CD101: variants seen among roughly 807,000 people sequenced by gnomAD.
CD101 encodes the protein immunoglobulin superfamily member 2.
In CD101, 76 loss-of-function variants were observed where a neutral mutation model predicts 98.2. The observed-to-expected ratio is 0.77, with a 90% CI of 0.64 to 0.94. The LOEUF (loss-of-function observed/expected upper bound fraction) is 0.94, where lower values mean the gene tolerates loss of function less well. Ranked by LOEUF, CD101 falls within the 40% of genes least tolerant of loss-of-function variation. The pLI is 0.00. For missense variants in CD101, 1,145 were observed against 1,218.8 expected, an observed-to-expected ratio of 0.94 and a Z score of 0.90; for synonymous variants, 471 against 472.7, an observed-to-expected ratio of 1.00 and a Z score of 0.05.
chr1:117,024,487 TA>T (rs1220224815), intron 7 of CD101, among the ~76,000 whole-genome samples: 73 of 100,000 alleles, frequency 7.3e-4, no homozygotes, highest in African/African-American at 2.9e-3. Context: ...AAAAAATAAA[TA>T]AAATAAAAAT....
In CD101 at chr1:117,019,650, T is replaced by A. The variant is rs2101134331; in HGVS notation, c.2017+1090T>A. On this transcript the variant is annotated intron_variant, in intron 6 of 9. Transcript: ENST00000682167. This position sits in a 1 kb window ranked among gnomAD's most constrained non-coding sequence, Gnocchi z 4.3. The stretch of plus-strand genomic sequence containing the variant: ...CAGTGGACTCGTCCCTACCCATGGA[T>A]ACAAGCTGTATGTTCACAACTCCCA... 6.6e-6 allele frequency among the ~76,000 whole-genome samples: 1 copy of A among 152,340 alleles called. No homozygotes were observed. The highest frequency in any genetic ancestry group is 1.9e-4 in the East Asian group (1 of 5,186).
Position 117,010,378 on chromosome 1 carries a change from GT to G in CD101, c.424+149del. On this transcript the variant is annotated intron_variant, in intron 2 of 9. Coordinates refer to ENST00000682167, the MANE Select transcript of CD101 (RefSeq NM_001256106.3). The surrounding 1 kb of genome is among the most constrained non-coding windows in gnomAD (Gnocchi z 5.2). ...ACCCCTGTGGATATTTTGGAGATAT[GT>G]CACAAGTGGGTATCTCATATTCTCT... 1 of 748,962 alleles carries G rather than the reference GT, an allele frequency of 1.3e-6. No homozygotes were observed. Among genetic ancestry groups the G allele is most frequent in the East Asian group, 2.6e-5 (1 of 38,180 alleles). 46.4% of individuals were successfully genotyped at this position (748,962 alleles called of 1,614,324 possible). A position where few individuals can be genotyped will look rare whatever the true frequency, so the allele number is the denominator to read the frequency against.
At position 117,036,112 on chromosome 1, in the gene CD101, G is replaced by T; in HGVS notation, c.*34-56G>T. The T allele has an allele frequency of 6.6e-6, 1 of 152,322 alleles. No individual in the cohort carries two copies. The allele number at this position is 152,322 out of a possible 1,614,324, so 9.4% of individuals were successfully genotyped here. On this transcript the variant is annotated intron_variant, in intron 9 of 9. Transcript: ENST00000682167. This position sits in a 1 kb window ranked among gnomAD's most constrained non-coding sequence, Gnocchi z 5.0. ...CAGAGGAGATGTAAGCAGACAGGGA[G>T]GGTCTCCTGGGAAAGCAGACATTTA... is the stretch of plus-strand genomic sequence containing the variant.
At position 117,005,889 on chromosome 1, in the gene CD101, C is replaced by T. The variant is rs899739408; in HGVS notation, c.44-3961C>T. On this transcript the variant is annotated intron_variant, in intron 1 of 9. Transcript: ENST00000682167. This position sits in a 1 kb window ranked among gnomAD's most constrained non-coding sequence, Gnocchi z 4.4. The stretch of plus-strand genomic sequence containing the variant: ...ATATCACAGGGTTTTTGAAAGGATT[C>T]GATTACAAATATTTTCAAAGGGTTA... Among the ~76,000 whole-genome samples the T allele has an allele frequency of 6.6e-5, 10 of 151,282 alleles. No individual in the cohort carries two copies. The highest frequency in any genetic ancestry group is 1.5e-4 in the African/African-American group (6 of 41,074).
rs1653050225 is a variant in CD101, at chr1:117,013,929, G to A, written c.1228+137G>A. On this transcript the variant is annotated intron_variant, in intron 4 of 9. Coordinates refer to ENST00000682167, the MANE Select transcript of CD101 (RefSeq NM_001256106.3). Reference sequence around the variant, plus strand: ...CAGATCACATTGGAGGTGGAGTGGAGTGGAGTAAAGGAAGGCACCCAAACT... The same window carrying A: ...CAGATCACATTGGAGGTGGAGTGGAATGGAGTAAAGGAAGGCACCCAAACT... The A allele has an allele frequency of 7.5e-6, 8 of 1,064,674 alleles. No homozygotes were observed. In the South Asian group the frequency reaches 8.8e-5, roughly 12 times the overall value. 66.0% of individuals were successfully genotyped at this position (1,064,674 alleles called of 1,614,324 possible).
Position 117,009,872 on chromosome 1 carries a change from A to G in CD101, c.66A>G (p.Arg22=). 5 of 1,604,702 alleles carry G rather than the reference A, an allele frequency of 3.1e-6. No individual in the cohort carries two copies. In the South Asian group the frequency reaches 5.5e-5, roughly 18 times the overall value. The change falls in exon 2 of 10, where the codon AGA becomes AGG. Residue 22 remains arginine (R), a synonymous_variant. Transcript: ENST00000682167. ...LLLTKLSIGQ[R]EVTVQKGPLF... ...AAGCTAAGCTCAGCATTGGCCAGAG[A>G]GAAGTAACAGTTCAGAAAGGACCAC...
chr1:117,010,235 G>A lies in CD101; in HGVS notation c.424+5G>A, dbSNP rs1475412238. On this transcript the variant is annotated splice_donor_5th_base_variant and intron_variant, in intron 2 of 9. Transcript: ENST00000682167. The surrounding 1 kb of genome is among the most constrained non-coding windows in gnomAD (Gnocchi z 5.2). The stretch of plus-strand genomic sequence containing the variant: ...GTGCAAAGACTAATCTAATTGGTAA[G>A]TTGCTTGTCCACTTCTGCTAGCCAG... 6.2e-7 allele frequency: 1 copy of A among 1,601,002 alleles called. No individual in the cohort carries two copies. Among genetic ancestry groups the A allele is most frequent in the South Asian group, 1.1e-5 (1 of 89,750 alleles).
At chr1:117,025,405 G>A (rs1653844161) in intron 7 of CD101, 104 bp from the exon 8 acceptor site, 2 of 966,458 alleles carry the variant, frequency 2.1e-6, no homozygotes, top group Non-Finnish European at 3.0e-6. Context: ...ATGCACTGAT[G>A]TCTAAAGAAT....
Position 117,018,042 on chromosome 1 carries a change from C to A in CD101, c.1613-114C>A, listed in dbSNP as rs188194459. ...TTTCTACTCTATAAAATAGGAAACT[C>A]CAAATGTACAAATGCATGGTCCTAG... On this transcript the variant is annotated intron_variant, in intron 5 of 9. Coordinates refer to ENST00000682167, the MANE Select transcript of CD101 (RefSeq NM_001256106.3). This position sits in a 1 kb window ranked among gnomAD's most constrained non-coding sequence, Gnocchi z 4.3. 311 of 970,016 alleles carry A rather than the reference C, an allele frequency of 3.2e-4. 1 individual carries two copies. The highest frequency in any genetic ancestry group is 4.3e-4 in the Non-Finnish European group (286 of 672,674). The allele number at this position is 970,016 out of a possible 1,614,324, so 60.1% of individuals were successfully genotyped here.
chr1:117,034,125 G>A lies in CD101; in HGVS notation c.*24G>A, dbSNP rs537901434. 83 of 1,612,362 alleles carry A rather than the reference G, an allele frequency of 5.1e-5. No individual in the cohort carries two copies. Among genetic ancestry groups the A allele is most frequent in the Non-Finnish European group, 7.0e-5 (83 of 1,179,546 alleles). On this transcript the variant is annotated 3_prime_UTR_variant, in exon 9 of 10. Coordinates refer to ENST00000682167, the MANE Select transcript of CD101 (RefSeq NM_001256106.3). ...GAATCCCAAGAGGCACCTGCAGCCA[G>A]GAAGGAAAGGTGGGGGCTTTTTAAT...
chr1:117,029,859 C>T (rs538614906), intron 8 of CD101, among the ~76,000 whole-genome samples: 4 of 152,314 alleles, frequency 2.6e-5, no homozygotes, highest in East Asian at 1.9e-4. Flanking sequence ...GACATTTTCT[C>T]GGAGAATGGA....
chr1:117,009,722 G>C, intron 1 of CD101, 128 bp from the exon 2 acceptor site: 1 of 947,734 alleles, frequency 1.1e-6, no homozygotes, highest in Non-Finnish European at 1.5e-6. Context: ...GAACATTTGA[G>C]TCAATTATAG....
intron 8 of CD101, among the ~76,000 whole-genome samples, chr1:117,028,990 T>C (rs2101154487): frequency 6.6e-6 from 1 of 150,890 alleles, no homozygotes. Context: ...GGTTTGAAGA[T>C]GATACAGATT....
intron 8 of CD101, chr1:117,032,622 T>G (rs1406252128): frequency 1.3e-5 from 2 of 152,258 alleles, no homozygotes; most frequent in African/African-American, 4.8e-5. Flanking sequence ...CATTACAATT[T>G]TCCAGTAAAA....
At chr1:117,029,213 A>AAAAAG (rs1553188333) in intron 8 of CD101, among the ~76,000 whole-genome samples, 11 of 71,758 alleles carry the variant, frequency 1.5e-4, no homozygotes, top group South Asian at 5.1e-4. Context: ...GAAAAGAAAG[A>AAAAAG]AAAGAAAGAA....
At position 117,033,441 on chromosome 1, in the gene CD101, T is replaced by C. The variant is rs1320034798; in HGVS notation, c.2825-419T>C. ...GTATGTGTGTGTGAGAAAGAGTGTG[T>C]GCCTGTGTGTTGGAGGAGCAGCAGT... is the stretch of plus-strand genomic sequence containing the variant. On this transcript the variant is annotated intron_variant, in intron 8 of 9. Transcript: ENST00000682167. The surrounding 1 kb of genome is among the most constrained non-coding windows in gnomAD (Gnocchi z 4.8). Among the ~76,000 whole-genome samples, 1 of 151,950 alleles carries C rather than the reference T, an allele frequency of 6.6e-6. No individual in the cohort carries two copies. Among genetic ancestry groups the C allele is most frequent in the Non-Finnish European group, 1.5e-5 (1 of 67,946 alleles).
Position 117,018,541 on chromosome 1 carries a change from G to C in CD101, c.1998G>C (p.Arg666Ser). The C allele has an allele frequency of 6.3e-7, 1 of 1,596,616 alleles. No homozygotes were observed. The highest frequency in any genetic ancestry group is 8.6e-7 in the Non-Finnish European group (1 of 1,168,716). The change falls in exon 6 of 10, where the codon AGG (arginine) becomes AGC (serine). Residue 666 changes from arginine (R) to serine (S), a missense_variant. Transcript: ENST00000682167. This position sits in a 1 kb window ranked among gnomAD's most constrained non-coding sequence, Gnocchi z 4.3. Reference protein sequence around the residue: ...PRASAISHPLRIAVTLPESKL... With the variant: ...PRASAISHPLSIAVTLPESKL... ...CTTCTGCCATCTCTCACCCACTGAG[G>C]ATAGCCGTCACTTTACCAGGTAAGT...
At position 117,013,670 on chromosome 1, in the gene CD101, CAGAGGATGAAGGCGCCT is replaced by C; in HGVS notation, c.1108_1124del (p.Glu370GlnfsTer60). On this transcript the variant is annotated frameshift_variant, in exon 4 of 10. Coordinates refer to ENST00000682167, the MANE Select transcript of CD101 (RefSeq NM_001256106.3). LOFTEE classifies it high-confidence loss of function. ...TCTCTCAAGATCTTCTCTCTGGGCC[CAGAGGATGAAGGCGCCT>C]ACAGATGTGTGGTAGCAGAGGTCAT... The C allele has an allele frequency of 6.2e-7, 1 of 1,614,092 alleles. No individual in the cohort carries two copies. The highest frequency in any genetic ancestry group is 1.7e-5 in the Admixed American group (1 of 60,020).
chr1:117,013,420 G>A lies in CD101; in HGVS notation c.856G>A (p.Val286Ile). 1 of 1,605,060 alleles carries A rather than the reference G, an allele frequency of 6.2e-7. No homozygotes were observed. Among genetic ancestry groups the A allele is most frequent in the African/African-American group, 1.3e-5 (1 of 74,700 alleles). Residue 286 changes from valine (V) to isoleucine (I), a missense_variant, in exon 4 of 10, where the codon GTC (valine) becomes ATC (isoleucine). Coordinates refer to ENST00000682167, the MANE Select transcript of CD101 (RefSeq NM_001256106.3). The part of the protein sequence containing the change: ...RIQPAVKDFQ[V>I]NITADSLFAE... Reference sequence around the variant, plus strand: ...TTGTTTCCCAGTGAAAGATTTTCAAGTCAACATTACAGCTGACAGCTTGTT... The same window carrying A: ...TTGTTTCCCAGTGAAAGATTTTCAAATCAACATTACAGCTGACAGCTTGTT...
Sources: gnomAD v4.1 joint callset for allele counts (sites outside exome capture counted in the v4.1 genomes callset) on GRCh38, gnomAD v4.1.1 for gene constraint, Gnocchi (gnomAD v3.1) non-coding constraint, MANE v1.5 for transcripts, NCBI Gene and HGNC (gene_info 2026-07-23, HGNC 2026-07-21) for gene names.